Variants in KCNQ5 observed in about 807,000 individuals in gnomAD.
The protein encoded by KCNQ5 is potassium voltage-gated channel subfamily Q member 5.
In KCNQ5, 30 loss-of-function variants were observed where a neutral mutation model predicts 98.2. The ratio of observed to expected loss-of-function variants is 0.31; its 90% CI spans 0.23 to 0.41. KCNQ5 has a LOEUF of 0.41. KCNQ5 is among the 10% of genes least tolerant of loss of function. The pLI, the probability that KCNQ5 is intolerant of heterozygous loss-of-function variation, is 1.00. For missense variants in KCNQ5, 835 were observed against 1,182.5 expected, an observed-to-expected ratio of 0.71 and a Z score of 4.31; for synonymous variants, 458 against 449.4, an observed-to-expected ratio of 1.02 and a Z score of -0.24.
intron 2 of KCNQ5, among the ~76,000 whole-genome samples, chr6:73,012,190 C>T (rs1196144630): frequency 6.6e-5 from 10 of 152,026 alleles, no homozygotes; most frequent in Middle Eastern, 3.2e-3. Context: ...GCATTGTTCA[C>T]AATAGCCAGA....
At chr6:72,645,417 A>C (rs1565053531) in intron 1 of KCNQ5, among the ~76,000 whole-genome samples, 2 of 151,698 alleles carry the variant, frequency 1.3e-5, no homozygotes, top group Non-Finnish European at 2.9e-5. Flanking sequence ...ATACACACAA[A>C]ACAAATCAAT....
chr6:72,775,860 T>C (rs1240877167), intron 1 of KCNQ5, among the ~76,000 whole-genome samples: 1 of 152,096 alleles, frequency 6.6e-6, no homozygotes, highest in Non-Finnish European at 1.5e-5. Flanking sequence ...TGAGAACTTG[T>C]CAGAGCCAAG....
chr6:72,985,843 A>G (rs1768747239), intron 1 of KCNQ5, among the ~76,000 whole-genome samples: 2 of 152,202 alleles, frequency 1.3e-5, no homozygotes, highest in South Asian at 4.1e-4. Flanking sequence ...CATTACACCA[A>G]AAAGACATAT....
At chr6:73,113,570 G>A (rs775086491) in intron 7 of KCNQ5, among the ~76,000 whole-genome samples, 56 of 152,330 alleles carry the variant, frequency 3.7e-4, no homozygotes, top group Non-Finnish European at 7.2e-4. Context: ...GGTGGCTATC[G>A]GCTGCCATAC....
Position 72,852,660 on chromosome 6 carries a change from T to TATATATATATATATAA in KCNQ5, c.399-151247_399-151246insTATATATATATATAAA, listed in dbSNP as rs1232591580. 4.7e-4 allele frequency among the ~76,000 whole-genome samples: 61 copies of TATATATATATATATAA among 128,498 alleles called. 2 individuals carry two copies. The highest frequency in any genetic ancestry group is 2.8e-3 in the East Asian group (13 of 4,692). The allele number at this position is 128,498 out of a possible 152,430, so 84.3% of individuals were successfully genotyped here. The stretch of plus-strand genomic sequence containing the variant: ...GGGGAAATATATATATATATATATA[T>TATATATATATATATAA]AAATGGCACTTAATGGTAAAGATGT... On this transcript the variant is annotated intron_variant, in intron 1 of 13. Transcript: ENST00000370398.
chr6:73,151,021 T>A (rs898225348), intron 10 of KCNQ5, among the ~76,000 whole-genome samples: 3 of 152,132 alleles, frequency 2.0e-5, no homozygotes, highest in African/African-American at 7.2e-5. Flanking sequence ...GTGTTAATAT[T>A]CTGGCAGTGA....
intron 1 of KCNQ5, among the ~76,000 whole-genome samples, chr6:72,838,305 T>C (rs889131901): frequency 6.7e-4 from 102 of 151,956 alleles, no homozygotes; most frequent in African/African-American, 2.3e-3. Flanking sequence ...GTCCCCAAAG[T>C]AGAATAAAAT....
chr6:73,082,886 CCT>C (rs1773835579), intron 5 of KCNQ5, among the ~76,000 whole-genome samples: 1 of 122,524 alleles, frequency 8.2e-6, no homozygotes, highest in Non-Finnish European at 1.6e-5. Context: ...CATTACCAAA[CCT>C]TTTTTTTTTT....
At chr6:73,011,723 T>C (rs1770069134) in intron 2 of KCNQ5, among the ~76,000 whole-genome samples, 1 of 151,918 alleles carries the variant, frequency 6.6e-6, no homozygotes, top group East Asian at 1.9e-4. Flanking sequence ...ATAACATACC[T>C]GAGAAGGGGT....
In KCNQ5 at chr6:72,783,266, C is replaced by G. The variant is rs752981004; in HGVS notation, c.398+160679C>G. Among the ~76,000 whole-genome samples the G allele has an allele frequency of 2.0e-5, 3 of 152,190 alleles. No individual in the cohort carries two copies. In the South Asian group the frequency reaches 6.2e-4, roughly 32 times the overall value. ...AAATATACTAAGTAAATTGGACTCT[C>G]AGTAAAGGAAATTGCCCAATTCCTA... On this transcript the variant is annotated intron_variant, in intron 1 of 13. Transcript: ENST00000370398.
At chr6:72,819,518 G>A (rs575758870) in intron 1 of KCNQ5, among the ~76,000 whole-genome samples, 1 of 152,242 alleles carries the variant, frequency 6.6e-6, no homozygotes, top group South Asian at 2.1e-4. Context: ...ACTATTTAGT[G>A]TTTCTTCCAA....
At chr6:72,679,232 C>G (rs1055662829) in intron 1 of KCNQ5, among the ~76,000 whole-genome samples, 2 of 152,002 alleles carry the variant, frequency 1.3e-5, no homozygotes, top group African/African-American at 4.8e-5. Flanking sequence ...GGTATATACC[C>G]AAAGGACTAT....
At chr6:72,775,563 A>G (rs1413072465) in intron 1 of KCNQ5, among the ~76,000 whole-genome samples, 1 of 140,786 alleles carries the variant, frequency 7.1e-6, no homozygotes, top group Non-Finnish European at 1.5e-5. Flanking sequence ...GACTTCCACA[A>G]TATGGACAGG....
chr6:72,983,286 G>A (rs145022130), intron 1 of KCNQ5, among the ~76,000 whole-genome samples: 11,465 of 152,120 alleles, frequency 0.075, 593 homozygotes, highest in East Asian at 0.17. Context: ...GGTTCCATTC[G>A]CCCTGTCACT....
At chr6:72,821,893 A>G (rs1775769673) in intron 1 of KCNQ5, among the ~76,000 whole-genome samples, 3 of 151,982 alleles carry the variant, frequency 2.0e-5, no homozygotes, top group Non-Finnish European at 2.9e-5. Context: ...GTCCCTGGCC[A>G]TGCTTCTTAT....
At chr6:73,165,943 GA>G (rs1332658256) in intron 10 of KCNQ5, among the ~76,000 whole-genome samples, 1 of 148,296 alleles carries the variant, frequency 6.7e-6, no homozygotes, top group African/African-American at 2.5e-5. Context: ...TCAAAAAAAA[GA>G]AAAAAAAAGA....
chr6:73,128,972 T>A (rs556105386), intron 9 of KCNQ5, among the ~76,000 whole-genome samples: 1 of 152,326 alleles, frequency 6.6e-6, no homozygotes, highest in African/African-American at 2.4e-5. Context: ...TCTAGAACCC[T>A]GGTGGAAGAC....
intron 5 of KCNQ5, among the ~76,000 whole-genome samples, chr6:73,084,696 G>T (rs574213325): frequency 6.6e-6 from 1 of 152,152 alleles, no homozygotes; most frequent in Non-Finnish European, 1.5e-5. Flanking sequence ...CCTAAAGATC[G>T]CATATGCAGC....
At chr6:72,949,144 G>T (rs1024973393) in intron 1 of KCNQ5, among the ~76,000 whole-genome samples, 2 of 152,112 alleles carry the variant, frequency 1.3e-5, no homozygotes, top group African/African-American at 4.8e-5. Context: ...GATGCTGAAG[G>T]CTGGAAAGTT....
Sources: allele counts gnomAD v4.1 joint callset (sites outside exome capture counted in the v4.1 genomes callset), GRCh38; gene constraint gnomAD v4.1.1; transcripts MANE v1.5; gene names NCBI Gene and HGNC (gene_info 2026-07-23, HGNC 2026-07-21).